The following SNX24 variants were observed in gnomAD, a reference collection of about 807,000 sequenced individuals.
SNX24 encodes the protein sorting nexin-24.
A neutral mutation model predicts 28.7 loss-of-function variants in SNX24; 22 were observed. That is an observed-to-expected ratio of 0.77 (90% CI 0.55 to 1.10). The LOEUF is 1.10. SNX24 is among the 50% of genes least tolerant of loss of function. The pLI is 0.00. For missense variants in SNX24, 221 were observed against 201.1 expected (o/e 1.10, Z -0.60); for synonymous variants, 69 against 71.5 (o/e 0.96, Z 0.18).
chr5:123,005,628 C>T (rs1275134298), intron 6 of SNX24, among the ~76,000 whole-genome samples: 1 of 152,154 alleles, frequency 6.6e-6, no homozygotes, highest in Admixed American at 6.5e-5. Context: ...ACCTTCAAAT[C>T]GACTTCTATA....
At chr5:122,923,366 AAAAG>A (rs1184173280) in intron 1 of SNX24, among the ~76,000 whole-genome samples, 2 of 152,092 alleles carry the variant, frequency 1.3e-5, no homozygotes, top group East Asian at 1.9e-4. Flanking sequence ...ATTAAAAAAA[AAAAG>A]AAGAATTAAA....
At chr5:122,872,943 A>G (rs1202204624) in intron 1 of SNX24, among the ~76,000 whole-genome samples, 2 of 151,812 alleles carry the variant, frequency 1.3e-5, no homozygotes, top group Admixed American at 6.6e-5. Flanking sequence ...TTTAATGAAC[A>G]TCATTTTAAC....
chr5:122,889,806 T>C (rs1756886026), intron 1 of SNX24, among the ~76,000 whole-genome samples: 1 of 150,826 alleles, frequency 6.6e-6, no homozygotes, highest in South Asian at 2.1e-4. Flanking sequence ...ACAAAAAATC[T>C]CTTAACATAA....
chr5:122,890,066 A>G (rs956845308), intron 1 of SNX24, among the ~76,000 whole-genome samples: 3 of 152,136 alleles, frequency 2.0e-5, no homozygotes, highest in African/African-American at 7.2e-5. Context: ...GCCAGTTGAG[A>G]CAGGCCATAG....
At chr5:122,923,910 CTT>C (rs1758558336) in intron 1 of SNX24, among the ~76,000 whole-genome samples, 1 of 152,202 alleles carries the variant, frequency 6.6e-6, no homozygotes, top group Non-Finnish European at 1.5e-5. Flanking sequence ...ACAGAAAACA[CTT>C]TTAAAGTTTT....
At chr5:122,910,322 T>G (rs1757824802) in intron 1 of SNX24, among the ~76,000 whole-genome samples, 1 of 152,130 alleles carries the variant, frequency 6.6e-6, no homozygotes, top group Non-Finnish European at 1.5e-5. Flanking sequence ...CTACTGCCTT[T>G]TGTTTTCATT....
chr5:122,952,054 T>C (rs879517866), intron 3 of SNX24, among the ~76,000 whole-genome samples: 4 of 152,230 alleles, frequency 2.6e-5, no homozygotes, highest in Admixed American at 1.3e-4. Context: ...ATTTAAAATA[T>C]TGACTAAAAC....
chr5:122,900,861 A>C (rs1757413208), intron 1 of SNX24, among the ~76,000 whole-genome samples: 1 of 152,202 alleles, frequency 6.6e-6, no homozygotes, highest in African/African-American at 2.4e-5. Context: ...TTATCATTAT[A>C]AGTAATGTTC....
chr5:122,941,944 G>A (rs765155445), intron 2 of SNX24, among the ~76,000 whole-genome samples: 5 of 152,146 alleles, frequency 3.3e-5, no homozygotes, highest in African/African-American at 4.8e-5. Flanking sequence ...CCCAGGCACA[G>A]GCTCCTGTGA....
intron 3 of SNX24, among the ~76,000 whole-genome samples, chr5:122,947,980 C>T (rs564779093): frequency 1.3e-5 from 2 of 152,216 alleles, no homozygotes; most frequent in South Asian, 2.1e-4. Flanking sequence ...TAGTGACACT[C>T]AAATTGAGCT....
chr5:122,971,619 A>G (rs1381135550), intron 3 of SNX24, among the ~76,000 whole-genome samples: 1 of 152,256 alleles, frequency 6.6e-6, no homozygotes, highest in Non-Finnish European at 1.5e-5. Flanking sequence ...CATAAAGTTA[A>G]CATTTAAATG....
At chr5:122,897,055 T>C (rs1757235167) in intron 1 of SNX24, among the ~76,000 whole-genome samples, 1 of 152,220 alleles carries the variant, frequency 6.6e-6, no homozygotes, top group African/African-American at 2.4e-5. Flanking sequence ...TAGTATTAAA[T>C]CAATATAGTG....
chr5:122,903,520 G>T lies in SNX24; in HGVS notation c.61-33214G>T, dbSNP rs186272160. Among the ~76,000 whole-genome samples, 47 of 151,218 alleles carry T rather than the reference G, an allele frequency of 3.1e-4. 1 individual carries two copies. Among genetic ancestry groups the T allele is most frequent in the African/African-American group, 1.1e-3 (46 of 40,574 alleles). On this transcript the variant is annotated intron_variant, in intron 1 of 6. Transcript: ENST00000261369. ...TTCCCTCCGCTGGTCTGTGAAGTCTGACTGACCTGCAAATCATGCTTTATG... is the reference window on the plus strand; with the variant it reads ...TTCCCTCCGCTGGTCTGTGAAGTCTTACTGACCTGCAAATCATGCTTTATG...
intron 1 of SNX24, among the ~76,000 whole-genome samples, chr5:122,855,002 G>A (rs189501956): frequency 1.3e-5 from 2 of 152,172 alleles, no homozygotes; most frequent in African/African-American, 4.8e-5. Context: ...TGTTTGCCTT[G>A]ATGTTGATGG....
chr5:122,860,483 A>G (rs181546652), intron 1 of SNX24, among the ~76,000 whole-genome samples: 1 of 152,260 alleles, frequency 6.6e-6, no homozygotes, highest in East Asian at 1.9e-4. Context: ...AAGAAGTCTT[A>G]CTCTATCTTT....
intron 1 of SNX24, among the ~76,000 whole-genome samples, chr5:122,932,858 C>CAAAAAAAAA (rs57930558): frequency 1.4e-4 from 12 of 87,982 alleles, no homozygotes; most frequent in African/African-American, 4.3e-4. Context: ...GACTCTGTCT[C>CAAAAAAAAA]AAAAAAAAAA....
chr5:123,010,805 TCTC>T (rs74631717), downstream of SNX24, among the ~76,000 whole-genome samples: 122 of 152,260 alleles, frequency 8.0e-4, 1 homozygote, highest in East Asian at 0.016. Flanking sequence ...ATATTTAATT[TCTC>T]CTCTTTTACA....
Position 123,016,367 on chromosome 5 carries a change from CA to C in SNX24, n.384-12869del, listed in dbSNP as rs147684865. Among the ~76,000 whole-genome samples, 726 of 152,202 alleles carry C rather than the reference CA, an allele frequency of 4.8e-3. 6 individuals carry two copies. Among genetic ancestry groups the C allele is most frequent in the African/African-American group, 0.017 (697 of 41,532 alleles). On this transcript the variant is annotated intron_variant and non_coding_transcript_variant, in intron 5 of 5. Transcript: ENST00000502387. ...GGGAAGGGTGTTGCAGGGACATCAG[CA>C]AGTTACAAAGCCCCAAATCAGAAGA...
intron 2 of SNX24, among the ~76,000 whole-genome samples, chr5:122,937,987 C>T (rs1283076569): frequency 6.6e-6 from 1 of 152,144 alleles, no homozygotes; most frequent in Non-Finnish European, 1.5e-5. Context: ...TTAAAACCAG[C>T]ACCCCCTGCC....
Sources: allele counts gnomAD v4.1 joint callset (sites outside exome capture counted in the v4.1 genomes callset), GRCh38; gene constraint gnomAD v4.1.1; transcripts MANE v1.5; gene names NCBI Gene and HGNC (gene_info 2026-07-23, HGNC 2026-07-21).